TRDN: variants seen among roughly 807,000 people sequenced by gnomAD.
TRDN encodes the protein triadin.
TRDN carries 161 observed loss-of-function variants against 149.7 expected under a neutral mutation model. The ratio of observed to expected loss-of-function variants is 1.08; its 90% CI spans 0.95 to 1.23. The LOEUF (loss-of-function observed/expected upper bound fraction) is 1.23, where lower values mean the gene tolerates loss of function less well. TRDN is among the 50% of genes most tolerant of loss of function. The probability of loss-of-function intolerance (pLI) is 0.00; values close to 1 mark genes in which losing one functional copy is unlikely to be tolerated. For missense variants in TRDN, 896 were observed against 823.5 expected, an observed-to-expected ratio of 1.09 and a Z score of -1.08; for synonymous variants, 294 against 250.5, an observed-to-expected ratio of 1.17 and a Z score of -1.64.
chr6:123,392,363 C>G (rs1329702788), intron 13 of TRDN, among the ~76,000 whole-genome samples: 1 of 151,220 alleles, frequency 6.6e-6, no homozygotes, highest in Admixed American at 6.6e-5. Flanking sequence ...ACACAAAATT[C>G]TTGCCTCAAG....
In TRDN at chr6:123,216,929, T is replaced by G. The variant is rs143914184; in HGVS notation, c.*1672A>C. 19 of 152,132 alleles carry G rather than the reference T, an allele frequency of 1.2e-4. No homozygotes were observed. The East Asian group carries it at 2.1e-3, about 17-fold the overall frequency. The allele number at this position is 152,132 out of a possible 1,614,324, so 9.4% of individuals were successfully genotyped here. ...TAAAACATCTATCATATTTGCTATT[T>G]CTTTACTCAGTAAATTCAGCAGGCT... On this transcript the variant is annotated 3_prime_UTR_variant, in exon 41 of 41. Transcript: ENST00000334268.
intron 1 of TRDN, among the ~76,000 whole-genome samples, chr6:123,635,749 G>C (rs1364493388): frequency 6.6e-6 from 1 of 151,914 alleles, no homozygotes; most frequent in Non-Finnish European, 1.5e-5. Context: ...CTTGGAAGTT[G>C]TTAAGAGCAC....
chr6:123,505,069 C>A (rs1778856990), intron 7 of TRDN, among the ~76,000 whole-genome samples: 1 of 151,850 alleles, frequency 6.6e-6, no homozygotes, highest in Admixed American at 6.6e-5. Flanking sequence ...CAGGGTGAAA[C>A]CCCATCTCTA....
At chr6:123,633,080 G>A (rs1363773014) in intron 1 of TRDN, among the ~76,000 whole-genome samples, 1 of 152,044 alleles carries the variant, frequency 6.6e-6, no homozygotes, top group Non-Finnish European at 1.5e-5. Flanking sequence ...CTGAGGTTAT[G>A]TAATAGTTTA....
chr6:123,522,657 C>T (rs1779746937), intron 5 of TRDN, among the ~76,000 whole-genome samples: 1 of 151,164 alleles, frequency 6.6e-6, no homozygotes, highest in African/African-American at 2.4e-5. Flanking sequence ...TTGTTTGTTG[C>T]CACTAACCAC....
chr6:123,549,939 C>G (rs774703466), intron 2 of TRDN, among the ~76,000 whole-genome samples: 4 of 151,910 alleles, frequency 2.6e-5, no homozygotes, highest in East Asian at 1.9e-4. Context: ...ATGCTCTGAG[C>G]TGGGGGAGGA....
At chr6:123,285,582 T>C (rs1363487355) in intron 24 of TRDN, among the ~76,000 whole-genome samples, 1 of 152,004 alleles carries the variant, frequency 6.6e-6, no homozygotes, top group East Asian at 1.9e-4. Context: ...ACTATAACAA[T>C]TCTAGAAGAT....
At chr6:123,568,676 A>G (rs1467793792) in intron 2 of TRDN, among the ~76,000 whole-genome samples, 1 of 152,154 alleles carries the variant, frequency 6.6e-6, no homozygotes. Flanking sequence ...TGGCCTTTTA[A>G]GCCACAGCTG....
intron 1 of TRDN, among the ~76,000 whole-genome samples, chr6:123,577,923 A>G (rs1055636355): frequency 2.0e-5 from 3 of 152,176 alleles, no homozygotes; most frequent in African/African-American, 7.2e-5. Context: ...TGTTGGCTGC[A>G]TGTATATCTC....
At chr6:123,563,249 T>A (rs561634524) in intron 2 of TRDN, among the ~76,000 whole-genome samples, 17 of 152,208 alleles carry the variant, frequency 1.1e-4, no homozygotes, top group Admixed American at 2.0e-4. Context: ...ATCAACCAAT[T>A]CTTTACCAGC....
chr6:123,522,767 T>C (rs1389742208), intron 5 of TRDN, among the ~76,000 whole-genome samples: 1 of 152,122 alleles, frequency 6.6e-6, no homozygotes, highest in Non-Finnish European at 1.5e-5. Context: ...CCAGTAGAGA[T>C]TAACAAAACA....
chr6:123,448,983 G>C (rs1383054114), intron 10 of TRDN, among the ~76,000 whole-genome samples: 1 of 152,084 alleles, frequency 6.6e-6, no homozygotes, highest in Non-Finnish European at 1.5e-5. Context: ...AATCACTGCA[G>C]TTTGGCTCAC....
At chr6:123,350,037 A>T in intron 21 of TRDN, 1 of 984,942 alleles carries the variant, frequency 1.0e-6, no homozygotes, top group Non-Finnish European at 1.2e-6. Flanking sequence ...AATTTAAGGC[A>T]AAGTTGAATA....
rs190239635 is a variant in TRDN, at chr6:123,622,661, G to A, written c.22+14093C>T. ...ACGGCTGTTCTCTTGAAAACTAAGC[G>A]GGACAGCATTATTCAGTAATCACCA... On this transcript the variant is annotated intron_variant, in intron 1 of 40. Coordinates refer to ENST00000334268, the MANE Select transcript of TRDN (RefSeq NM_006073.4). Among the ~76,000 whole-genome samples the A allele has an allele frequency of 5.3e-5, 8 of 152,100 alleles. No individual in the cohort carries two copies. The East Asian group carries it at 7.7e-4, about 15-fold the overall frequency.
chr6:123,286,534 G>A (rs1372922277), intron 24 of TRDN, among the ~76,000 whole-genome samples: 1 of 152,004 alleles, frequency 6.6e-6, no homozygotes, highest in Non-Finnish European at 1.5e-5. Flanking sequence ...TTGAAAGGGA[G>A]GGAGTGGGGT....
chr6:123,370,065 A>G (rs13198584), intron 19 of TRDN, among the ~76,000 whole-genome samples: 2 of 152,092 alleles, frequency 1.3e-5, no homozygotes, highest in Non-Finnish European at 1.5e-5. Context: ...TATCATATAA[A>G]CAGAAGGCAT....
chr6:123,234,462 T>C (rs1775715005), intron 38 of TRDN, among the ~76,000 whole-genome samples: 1 of 152,156 alleles, frequency 6.6e-6, no homozygotes, highest in Non-Finnish European at 1.5e-5. Context: ...TAGTTGAGAA[T>C]GGTTTTGCTT....
At chr6:123,481,661 T>G (rs1217048627) in intron 9 of TRDN, among the ~76,000 whole-genome samples, 1 of 152,122 alleles carries the variant, frequency 6.6e-6, no homozygotes, top group African/African-American at 2.4e-5. Context: ...TAGCACTCAG[T>G]ACCACACGTG....
At chr6:123,510,953 T>C (rs1236340289) in intron 7 of TRDN, among the ~76,000 whole-genome samples, 2 of 152,208 alleles carry the variant, frequency 1.3e-5, no homozygotes, top group Non-Finnish European at 2.9e-5. Flanking sequence ...CAATTATTTC[T>C]TTTTGATGCA....
Sources: gnomAD v4.1 joint callset for allele counts (sites outside exome capture counted in the v4.1 genomes callset) on GRCh38, gnomAD v4.1.1 for gene constraint, MANE v1.5 for transcripts, NCBI Gene and HGNC (gene_info 2026-07-23, HGNC 2026-07-21) for gene names.